The following POLN variants were observed in gnomAD, a reference collection of about 807,000 sequenced individuals.
The protein encoded by POLN is DNA polymerase nu.
POLN carries 108 observed loss-of-function variants against 113.5 expected under a neutral mutation model. That is an observed-to-expected ratio of 0.95 (90% confidence interval 0.81 to 1.12). The LOEUF is 1.12. Among genes scored for constraint, POLN ranks in the 50% most tolerant of loss-of-function variants. The pLI is 0.00. For synonymous variants in POLN, 386 were observed against 391.5 expected (o/e 0.99, Z 0.17); for missense variants, 1,097 against 1,077.1 (o/e 1.02, Z -0.26).
intron 20 of POLN, chr4:2,088,599 TACA>T (rs1319564678): frequency 2.0e-5 from 12 of 609,690 alleles, no homozygotes; most frequent in African/African-American, 1.9e-4. Context: ...TCAACTGATC[TACA>T]ACAATTTTCA....
At chr4:2,085,803 T>C in intron 20 of POLN, 59 bp from the exon 21 acceptor site, 3 of 1,601,190 alleles carry the variant, frequency 1.9e-6, no homozygotes, top group Non-Finnish European at 2.6e-6. Flanking sequence ...ACTGTGTGCA[T>C]GGGCTCAGTG....
intron 19 of POLN, among the ~76,000 whole-genome samples, chr4:2,117,272 T>C (rs1412193351): frequency 6.6e-6 from 1 of 152,240 alleles, no homozygotes; most frequent in Admixed American, 6.5e-5. Flanking sequence ...GCCACGTGGC[T>C]AACCCTGAGT....
At chr4:2,227,375 C>G (rs754427101) in intron 3 of POLN, 3 of 152,214 alleles carry the variant, frequency 2.0e-5, no homozygotes, top group Non-Finnish European at 4.4e-5. Context: ...AGACACCAGA[C>G]CTGGCTGACA....
intron 16 of POLN, among the ~76,000 whole-genome samples, chr4:2,135,529 G>A (rs1309873210): frequency 6.6e-6 from 1 of 152,182 alleles, no homozygotes; most frequent in Non-Finnish European, 1.5e-5. Context: ...ACAGAGTGCC[G>A]TCCCTAACGC....
intron 2 of POLN, among the ~76,000 whole-genome samples, chr4:2,236,656 C>T (rs1416873396): frequency 6.6e-6 from 1 of 151,574 alleles, no homozygotes; most frequent in Non-Finnish European, 1.5e-5. Context: ...CTCAGGAGTT[C>T]GAGACCAGCC....
At chr4:2,080,840 A>G in intron 23 of POLN, 118 bp downstream of exon 23, 1 of 1,577,476 alleles carries the variant, frequency 6.3e-7, no homozygotes, top group Non-Finnish European at 8.6e-7. Flanking sequence ...GAGCCTCAGG[A>G]GGGGACGGGG....
intron 2 of POLN, chr4:2,231,834 C>T (rs1039267940): frequency 3.2e-6 from 2 of 627,364 alleles, no homozygotes; most frequent in African/African-American, 1.9e-5. Context: ...GTTCCATTGA[C>T]CTCAAATTTT....
chr4:2,128,457 G>C (rs1731639575), intron 18 of POLN, among the ~76,000 whole-genome samples: 1 of 152,160 alleles, frequency 6.6e-6, no homozygotes, highest in Non-Finnish European at 1.5e-5. Context: ...GTGCGTGGAG[G>C]GGAGTTGTGA....
chr4:2,082,607 A>T (rs1730448652), intron 21 of POLN: 1 of 152,224 alleles, frequency 6.6e-6, no homozygotes, highest in Admixed American at 6.5e-5. Flanking sequence ...TAAATCCTCC[A>T]CTTGTGACTG....
At chr4:2,152,037 CTT>C (rs201892064) in intron 16 of POLN, among the ~76,000 whole-genome samples, 11 of 142,250 alleles carry the variant, frequency 7.7e-5, no homozygotes, top group Admixed American at 2.1e-4. Context: ...TTTCTTTCTT[CTT>C]TTTTTTTTTT....
At chr4:2,210,606 T>G (rs905178748) in intron 4 of POLN, among the ~76,000 whole-genome samples, 20 of 131,420 alleles carry the variant, frequency 1.5e-4, no homozygotes, top group Non-Finnish European at 2.9e-4. Flanking sequence ...ATAATAATAA[T>G]AATAATAATA....
chr4:2,214,190 T>G (rs1306399159), intron 3 of POLN, among the ~76,000 whole-genome samples: 4 of 151,718 alleles, frequency 2.6e-5, no homozygotes, highest in African/African-American at 9.7e-5. Flanking sequence ...GAGCCGAGAT[T>G]GCGCCACTGC....
At chr4:2,094,813 G>A (rs1157584422) in intron 20 of POLN, among the ~76,000 whole-genome samples, 1 of 152,208 alleles carries the variant, frequency 6.6e-6, no homozygotes, top group Non-Finnish European at 1.5e-5. Context: ...TCTCAATGGA[G>A]ACTGTAGGGC....
At chr4:2,134,202 T>TA (rs1390581695) in intron 16 of POLN, among the ~76,000 whole-genome samples, 1 of 152,270 alleles carries the variant, frequency 6.6e-6, no homozygotes, top group Admixed American at 6.5e-5. Flanking sequence ...TATTCCTTTT[T>TA]ATCACTGAAT....
chr4:2,092,954 C>T (rs1024065621), intron 20 of POLN, among the ~76,000 whole-genome samples: 3 of 152,342 alleles, frequency 2.0e-5, no homozygotes, highest in East Asian at 1.9e-4. Context: ...CAAGCCAGAC[C>T]GGAACAATGG....
rs142462434 is a variant in POLN at position 2,095,875 on chromosome 4, C to T, written c.2041G>A (p.Val681Met). 590 of 1,614,052 alleles carry T rather than the reference C, an allele frequency of 3.7e-4. No homozygotes were observed. The highest frequency in any genetic ancestry group is 4.8e-4 in the Non-Finnish European group (566 of 1,180,044). Residue 681 changes from valine to methionine, a missense_variant, in exon 20 of 26, where the codon GTG becomes ATG. Val to Met is a conservative substitution (Grantham distance 21). Transcript: ENST00000511885. ...HADREQTKKV[V>M]YAVVYGAGKE... The stretch of plus-strand genomic sequence containing the variant: ...CCTGCTCCATAGACCACCGCGTACA[C>T]CACCTTCTTGGTTTGCTCTCTGTCT...
At chr4:2,087,870 T>C (rs1730585552) in intron 20 of POLN, among the ~76,000 whole-genome samples, 1 of 152,240 alleles carries the variant, frequency 6.6e-6, no homozygotes, top group East Asian at 1.9e-4. Flanking sequence ...TCTTGCTGTG[T>C]TACCCAGGCT....
At chr4:2,179,656 C>A (rs1255979765) in intron 7 of POLN, among the ~76,000 whole-genome samples, 191 bp from the exon 8 acceptor site, 1 of 152,098 alleles carries the variant, frequency 6.6e-6, no homozygotes, top group Non-Finnish European at 1.5e-5. Flanking sequence ...CTCGATGAAC[C>A]CAAGTCCCAC....
chr4:2,087,019 G>A (rs1730566263), intron 20 of POLN, among the ~76,000 whole-genome samples: 2 of 152,192 alleles, frequency 1.3e-5, no homozygotes, highest in South Asian at 4.1e-4. Context: ...TAGCAGCTCT[G>A]GACAGAGAGA....
Sources: gnomAD v4.1 joint callset for allele counts (sites outside exome capture counted in the v4.1 genomes callset) on GRCh38, gnomAD v4.1.1 for gene constraint, MANE v1.5 for transcripts, NCBI Gene and HGNC (gene_info 2026-07-23, HGNC 2026-07-21) for gene names.